ZNF665: variants seen among roughly 807,000 people sequenced by gnomAD.
ZNF665 encodes zinc finger protein 665.
In ZNF665, 6 loss-of-function variants were observed where a neutral mutation model predicts 7.9. That is an observed-to-expected ratio of 0.76 (90% CI 0.42 to 1.50). The LOEUF (loss-of-function observed/expected upper bound fraction) is 1.50. Among genes scored for constraint, ZNF665 ranks in the 40% most tolerant of loss-of-function variants. The pLI is 0.01. For synonymous variants in ZNF665, 242 were observed against 274.5 expected (o/e 0.88, Z 1.17); for missense variants, 819 against 806.7 (o/e 1.02, Z -0.18).
In ZNF665 at chr19:53,182,950, T is replaced by C; in HGVS notation, c.-45-7A>G. 1 of 1,601,052 alleles carries C rather than the reference T, an allele frequency of 6.2e-7. No homozygotes were observed. Among genetic ancestry groups the C allele is most frequent in the South Asian group, 1.1e-5 (1 of 90,998 alleles). The stretch of plus-strand genomic sequence containing the variant: ...TCTTCTTCCAGGGTTCTACCTTGGG[T>C]AACATGAAAGAGACTTTAGAATTCA... On this transcript the variant is annotated splice_polypyrimidine_tract_variant and splice_region_variant and intron_variant, in intron 1 of 3. Coordinates refer to ENST00000396424, the MANE Select transcript of ZNF665 (RefSeq NM_024733.5).
Position 53,175,569 on chromosome 19 carries a change from TC to T in ZNF665, c.17del (p.Gly6AspfsTer3). MALPQGQLTFKDVAIE... is the reference protein window; with the variant it reads MALPQXQLTFKDVAIE... ...TGGCCACATCCTTGAATGTCAACTG[TC>T]CCTAAAATGAAAAACACATTTCACC... On this transcript the variant is annotated frameshift_variant and splice_region_variant, in exon 3 of 4. Coordinates refer to ENST00000396424, the MANE Select transcript of ZNF665 (RefSeq NM_024733.5). LOFTEE classifies it high-confidence loss of function. 6.3e-7 allele frequency: 1 copy of T among 1,594,556 alleles called. No individual in the cohort carries two copies. The highest frequency in any genetic ancestry group is 8.5e-7 in the Non-Finnish European group (1 of 1,174,778).
chr19:53,182,995 C>T (rs200862803), intron 1 of ZNF665, 52 bp from the exon 2 acceptor site: 68 of 1,553,794 alleles, frequency 4.4e-5, no homozygotes, highest in Middle Eastern at 3.4e-4. Context: ...GTCAAAAATA[C>T]GCTGTTTGTT....
chr19:53,189,051 C>CTCTGTGTGTGTG (rs1555805725), intron 1 of ZNF665, among the ~76,000 whole-genome samples: 9 of 137,650 alleles, frequency 6.5e-5, no homozygotes, highest in Non-Finnish European at 1.5e-4. Context: ...GCTTTATTTT[C>CTCTGTGTGTGTG]TGTGTGTGTG....
intron 1 of ZNF665, among the ~76,000 whole-genome samples, chr19:53,190,915 CAG>C (rs1198744376): frequency 1.4e-5 from 2 of 139,196 alleles, no homozygotes; most frequent in African/African-American, 6.5e-5. Flanking sequence ...GCCTGGGTGA[CAG>C]AGCAAGACTC....
chr19:53,170,907 A>G (rs1297336353), intron 3 of ZNF665, among the ~76,000 whole-genome samples: 1 of 152,202 alleles, frequency 6.6e-6, no homozygotes, highest in Admixed American at 6.5e-5. Flanking sequence ...AGCTTTACTA[A>G]TAAACATATA....
intron 1 of ZNF665, among the ~76,000 whole-genome samples, chr19:53,189,303 A>C (rs925201207): frequency 6.6e-6 from 1 of 151,914 alleles, no homozygotes; most frequent in Non-Finnish European, 1.5e-5. Context: ...AGATAAAAGA[A>C]AAGGCAGCTG....
chr19:53,190,049 T>C (rs1359889219), intron 1 of ZNF665: 1 of 152,362 alleles, frequency 6.6e-6, no homozygotes, highest in Non-Finnish European at 1.5e-5. Context: ...TATTATAATA[T>C]TGGAATAAAA....
intron 3 of ZNF665, among the ~76,000 whole-genome samples, chr19:53,172,776 GATCACGCCACTGCACTCC>G (rs1213328513): frequency 7.9e-6 from 1 of 126,478 alleles, no homozygotes; most frequent in Non-Finnish European, 1.6e-5. Context: ...AGTGAGCCAA[GATCACGCCACTGCACTCC>G]AGCCTGGGTG....
At chr19:53,190,236 G>A (rs546443083) in intron 1 of ZNF665, 1 of 152,352 alleles carries the variant, frequency 6.6e-6, no homozygotes, top group East Asian at 1.9e-4. Flanking sequence ...CCCGGAGCAG[G>A]GACAGACCAT....
At chr19:53,182,424 G>T in intron 2 of ZNF665, 2 of 446,910 alleles carry the variant, frequency 4.5e-6, no homozygotes, top group Non-Finnish European at 8.1e-6. Context: ...TGACTCACTT[G>T]TTCGGCATCA....
At chr19:53,183,037 A>T (rs2090750195) in intron 1 of ZNF665, 94 bp from the exon 2 acceptor site, 1 of 1,320,858 alleles carries the variant, frequency 7.6e-7, no homozygotes, top group Admixed American at 1.7e-5. Context: ...TCCCTGGGCC[A>T]TAACCTTATA....
At position 53,165,279 on chromosome 19, in the gene ZNF665, C is replaced by T. The variant is rs1329352987; in HGVS notation, c.1211G>A (p.Cys404Tyr). The T allele has an allele frequency of 6.2e-7, 1 of 1,613,228 alleles. No individual in the cohort carries two copies. Reference sequence around the variant, plus strand: ...AGTGAAAACCTTGACGCATTCATTACATTTGAAAGGCTTTTCTCCGGTATG... The same window carrying T: ...AGTGAAAACCTTGACGCATTCATTATATTTGAAAGGCTTTTCTCCGGTATG... ...IIHTGEKPFK[C>Y]NECVKVFTQY... Residue 404 changes from cysteine (C) to tyrosine (Y), a missense_variant, in exon 4 of 4, where the codon TGT becomes TAT. By Grantham distance (194) the Cys-to-Tyr change is radical (BLOSUM62 -2). Coordinates refer to ENST00000396424, the MANE Select transcript of ZNF665 (RefSeq NM_024733.5).
intron 3 of ZNF665, among the ~76,000 whole-genome samples, chr19:53,167,596 G>A (rs1350185516): frequency 5.3e-5 from 8 of 150,506 alleles, no homozygotes; most frequent in East Asian, 2.1e-4. Flanking sequence ...ACAGGCGCCC[G>A]CCACCGCGCC....
intron 1 of ZNF665, among the ~76,000 whole-genome samples, chr19:53,192,659 C>T (rs2090826020): frequency 6.6e-6 from 1 of 152,168 alleles, no homozygotes; most frequent in Non-Finnish European, 1.5e-5. Context: ...CTCCTGATCC[C>T]CTTGGCCCAC....
intron 3 of ZNF665, among the ~76,000 whole-genome samples, chr19:53,171,524 A>ATTTTTTT (rs1215685651): frequency 3.5e-4 from 24 of 69,326 alleles, no homozygotes; most frequent in African/African-American, 9.8e-4. Flanking sequence ...ATATATATAT[A>ATTTTTTT]TTTTTTTTTT....
At chr19:53,179,506 G>A (rs946170174) in intron 2 of ZNF665, 5 of 150,472 alleles carry the variant, frequency 3.3e-5, no homozygotes, top group African/African-American at 9.8e-5. Flanking sequence ...GGAGTGCAGT[G>A]GGTTCAGGGA....
At chr19:53,182,756 A>G in intron 2 of ZNF665, 128 bp downstream of exon 2, 1 of 1,464,054 alleles carries the variant, frequency 6.8e-7, no homozygotes, top group Non-Finnish European at 9.5e-7. Flanking sequence ...GGACTGAGGG[A>G]AGGCACGAGT....
At chr19:53,167,213 C>G (rs2090621803) in intron 3 of ZNF665, among the ~76,000 whole-genome samples, 1 of 151,990 alleles carries the variant, frequency 6.6e-6, no homozygotes, top group Admixed American at 6.6e-5. Context: ...GTTGGTCAGG[C>G]TGGTCTCGAA....
At chr19:53,172,860 A>G (rs950243058) in intron 3 of ZNF665, among the ~76,000 whole-genome samples, 5 of 150,740 alleles carry the variant, frequency 3.3e-5, no homozygotes, top group Non-Finnish European at 5.9e-5. Flanking sequence ...AATAAAATGT[A>G]TATTGAGATC....
Sources: allele counts gnomAD v4.1 joint callset (sites outside exome capture counted in the v4.1 genomes callset), GRCh38; gene constraint gnomAD v4.1.1; transcripts MANE v1.5; gene names NCBI Gene and HGNC (gene_info 2026-07-23, HGNC 2026-07-21).